CMSS1: variants seen among roughly 807,000 people sequenced by gnomAD.
The protein encoded by CMSS1 is protein CMSS1.
CMSS1 carries 33 observed loss-of-function variants against 43.5 expected under a neutral mutation model. The observed-to-expected ratio is 0.76, with a 90% CI of 0.57 to 1.01. CMSS1 has a LOEUF of 1.01. Ranked by LOEUF, CMSS1 falls within the 50% of genes least tolerant of loss-of-function variation. The pLI, the probability that CMSS1 is intolerant of heterozygous loss-of-function variation, is 0.00. For missense variants in CMSS1, 313 were observed against 326.4 expected, an observed-to-expected ratio of 0.96 and a Z score of 0.32; for synonymous variants, 115 against 117.2, an observed-to-expected ratio of 0.98 and a Z score of 0.12.
chr3:99,999,239 GCTCTCAC>G (rs1709773579), intron 1 of CMSS1, among the ~76,000 whole-genome samples: 1 of 152,152 alleles, frequency 6.6e-6, no homozygotes, highest in African/African-American at 2.4e-5. Flanking sequence ...AGTGTGATAA[GCTCTCAC>G]TGTAGCAAGG....
chr3:99,861,376 A>G (rs1438291161), intron 1 of CMSS1, among the ~76,000 whole-genome samples: 2 of 152,176 alleles, frequency 1.3e-5, no homozygotes, highest in African/African-American at 4.8e-5. Flanking sequence ...TCAGCATGTG[A>G]TGCCTTGTAT....
chr3:100,057,677 C>G (rs1253126888), intron 1 of CMSS1, among the ~76,000 whole-genome samples: 1 of 152,170 alleles, frequency 6.6e-6, no homozygotes, highest in African/African-American at 2.4e-5. Context: ...CAGTTGGTTT[C>G]ATGCAGAGAA....
At chr3:100,068,208 G>C (rs1242331493) in intron 1 of CMSS1, among the ~76,000 whole-genome samples, 1 of 152,194 alleles carries the variant, frequency 6.6e-6, no homozygotes, top group African/African-American at 2.4e-5. Context: ...GTGATTCCTG[G>C]TATTGACAAA....
At chr3:99,875,986 A>G (rs902825221) in intron 1 of CMSS1, 1 of 892,296 alleles carries the variant, frequency 1.1e-6, no homozygotes, top group Non-Finnish European at 1.3e-6. Context: ...ATGCTGAGAC[A>G]GCTTTAACAG....
At chr3:100,142,747 G>A (rs1233118064) in intron 1 of CMSS1, among the ~76,000 whole-genome samples, 1 of 152,270 alleles carries the variant, frequency 6.6e-6, no homozygotes, top group African/African-American at 2.4e-5. Flanking sequence ...GGATTTTTAT[G>A]ATATGAGGAT....
intron 1 of CMSS1, among the ~76,000 whole-genome samples, chr3:99,869,117 A>G (rs942108870): frequency 6.6e-6 from 1 of 152,214 alleles, no homozygotes; most frequent in Non-Finnish European, 1.5e-5. Flanking sequence ...GAATGGAAGA[A>G]GGACAAGTAG....
chr3:99,989,739 A>G (rs1709458256), intron 1 of CMSS1, among the ~76,000 whole-genome samples: 2 of 150,774 alleles, frequency 1.3e-5, no homozygotes, highest in African/African-American at 4.9e-5. Flanking sequence ...AGGTAATCCT[A>G]TTTAGTATGC....
At chr3:100,007,271 T>C (rs1483586640) in intron 1 of CMSS1, among the ~76,000 whole-genome samples, 7 of 152,252 alleles carry the variant, frequency 4.6e-5, no homozygotes, top group South Asian at 2.1e-4. Flanking sequence ...TTTTAGCTTT[T>C]ATTTTTTGAG....
At chr3:100,154,088 G>A (rs2107521408) in intron 2 of CMSS1, among the ~76,000 whole-genome samples, 1 of 152,246 alleles carries the variant, frequency 6.6e-6, no homozygotes, top group Admixed American at 6.5e-5. Context: ...GACCTCAAGT[G>A]ATCCGTCCAC....
At chr3:99,957,693 CTTTTTTTTTT>C (rs779350496) in intron 1 of CMSS1, among the ~76,000 whole-genome samples, 1,444 of 19,966 alleles carry the variant, frequency 0.072, 80 homozygotes, top group East Asian at 0.37. Flanking sequence ...TTCTTTCTTT[CTTTTTTTTTT>C]TTTTTTTTTT....
intron 1 of CMSS1, among the ~76,000 whole-genome samples, chr3:100,037,158 G>A (rs1284715319): frequency 2.0e-5 from 3 of 151,020 alleles, no homozygotes; most frequent in Non-Finnish European, 4.4e-5. Flanking sequence ...ACATAATGTT[G>A]TGCTTATATA....
At chr3:99,932,356 T>G (rs1450199541) in intron 1 of CMSS1, among the ~76,000 whole-genome samples, 2 of 152,232 alleles carry the variant, frequency 1.3e-5, no homozygotes, top group Non-Finnish European at 2.9e-5. Flanking sequence ...AACTTGCTTT[T>G]TCATCCTAGA....
At chr3:99,820,374 T>G (rs1942412438) in intron 1 of CMSS1, among the ~76,000 whole-genome samples, 1 of 151,820 alleles carries the variant, frequency 6.6e-6, no homozygotes, top group South Asian at 2.1e-4. Flanking sequence ...TTTTTGTATT[T>G]TTAGTAGAGA....
chr3:99,933,843 C>T (rs1484549617), intron 1 of CMSS1, among the ~76,000 whole-genome samples: 1 of 152,166 alleles, frequency 6.6e-6, no homozygotes, highest in African/African-American at 2.4e-5. Flanking sequence ...CTGGCTTGCT[C>T]CTTTTACTTT....
At chr3:100,076,054 C>G (rs1413446762) in intron 1 of CMSS1, among the ~76,000 whole-genome samples, 1 of 152,180 alleles carries the variant, frequency 6.6e-6, no homozygotes, top group African/African-American at 2.4e-5. Context: ...CTTCTTTCAA[C>G]TACATGGCTT....
At chr3:99,974,566 G>T (rs13074023) in intron 1 of CMSS1, among the ~76,000 whole-genome samples, 2 of 152,172 alleles carry the variant, frequency 1.3e-5, no homozygotes, top group African/African-American at 4.8e-5. Flanking sequence ...AAAATTAGCC[G>T]GGTGGTGGTG....
In CMSS1 at chr3:99,827,151, A is replaced by T. The variant is rs1942550610; in HGVS notation, c.64+9108A>T. ...TTAATACATATTGCTTGAAACAAGC[A>T]TGGTTTTTGGTTGTCAATCCTTTTG... On this transcript the variant is annotated intron_variant, in intron 1 of 9. Transcript: ENST00000421999. Among the ~76,000 whole-genome samples, 6 of 152,196 alleles carry T rather than the reference A, an allele frequency of 3.9e-5. No homozygotes were observed. The South Asian group carries it at 1.2e-3, about 32-fold the overall frequency.
intron 1 of CMSS1, among the ~76,000 whole-genome samples, chr3:100,100,366 A>G (rs73859923): frequency 4.1e-4 from 62 of 152,338 alleles, no homozygotes; most frequent in African/African-American, 1.3e-3. Context: ...ACCATGTACT[A>G]TACTTGGCTG....
intron 1 of CMSS1, among the ~76,000 whole-genome samples, chr3:100,080,980 G>A (rs928058518): frequency 3.9e-5 from 6 of 152,200 alleles, no homozygotes; most frequent in African/African-American, 1.4e-4. Context: ...ATAAAAAGGA[G>A]TCATGTATTT....
Sources: allele counts gnomAD v4.1 joint callset (sites outside exome capture counted in the v4.1 genomes callset), GRCh38; gene constraint gnomAD v4.1.1; transcripts MANE v1.5; gene names NCBI Gene and HGNC (gene_info 2026-07-23, HGNC 2026-07-21).